The following ZNF423 variants were observed in gnomAD, a reference collection of about 807,000 sequenced individuals.
ZNF423 encodes the protein zinc finger protein 423.
In ZNF423, 12 loss-of-function variants were observed where a neutral mutation model predicts 95.8. The observed-to-expected ratio is 0.13, with a 90% CI of 0.08 to 0.20. The LOEUF (loss-of-function observed/expected upper bound fraction) is 0.20. Ranked by LOEUF, ZNF423 falls within the 10% of genes least tolerant of loss-of-function variation. The probability of loss-of-function intolerance (pLI) is 1.00; values close to 1 mark genes in which losing one functional copy is unlikely to be tolerated. For synonymous variants in ZNF423, 749 were observed against 711.9 expected (o/e 1.05, Z -0.83); for missense variants, 1,316 against 1,737.1 (o/e 0.76, Z 4.31).
intron 3 of ZNF423, among the ~76,000 whole-genome samples, chr16:49,719,678 C>T (rs186016188): frequency 1.4e-4 from 22 of 152,300 alleles, no homozygotes; most frequent in Admixed American, 1.3e-3. Flanking sequence ...TCTCCTGATT[C>T]ACCATGCTAT....
intron 3 of ZNF423, among the ~76,000 whole-genome samples, chr16:49,678,501 C>T (rs1024455406): frequency 1.3e-5 from 2 of 152,134 alleles, no homozygotes; most frequent in African/African-American, 2.4e-5. Flanking sequence ...CAACAATAAA[C>T]CAGTAAACAA....
intron 5 of ZNF423, among the ~76,000 whole-genome samples, chr16:49,598,415 T>C (rs1283050349): frequency 2.6e-5 from 4 of 152,268 alleles, no homozygotes; most frequent in East Asian, 1.9e-4. Context: ...ACCATCATTA[T>C]CATTTTTGTC....
intron 5 of ZNF423, among the ~76,000 whole-genome samples, chr16:49,533,006 G>GTCAC (rs1968913869): frequency 6.6e-6 from 1 of 152,102 alleles, no homozygotes; most frequent in South Asian, 2.1e-4. Context: ...GGTGGGAAGG[G>GTCAC]TCACCCCCCA....
chr16:49,695,623 C>T (rs577552769), intron 3 of ZNF423, among the ~76,000 whole-genome samples: 56 of 152,294 alleles, frequency 3.7e-4, no homozygotes, highest in African/African-American at 1.2e-3. Context: ...AGCGGAGTTT[C>T]GCCATGTTGG....
rs140473510 is a variant in ZNF423 at position 49,624,392 on chromosome 16, A to C, written c.3601+1778T>G. 4.4e-3 allele frequency among the ~76,000 whole-genome samples: 672 copies of C among 152,252 alleles called. 6 individuals carry two copies. The highest frequency in any genetic ancestry group is 0.015 in the African/African-American group (613 of 41,548). On this transcript the variant is annotated intron_variant, in intron 5 of 7. Coordinates refer to ENST00000563137, the MANE Select transcript of ZNF423 (RefSeq NM_001379286.1). ...ATAGTGAAACCCTGTCTCTACTAAA[A>C]GTACAAAAAAATTAGCCAGGGGAGA...
At chr16:49,829,004 G>C (rs1463595053) in intron 1 of ZNF423, among the ~76,000 whole-genome samples, 1 of 152,106 alleles carries the variant, frequency 6.6e-6, no homozygotes, top group African/African-American at 2.4e-5. Flanking sequence ...CTCCAATGTT[G>C]CCAACCCAGC....
At chr16:49,729,683 AT>A (rs1555478749) in intron 3 of ZNF423, among the ~76,000 whole-genome samples, 1 of 127,110 alleles carries the variant, frequency 7.9e-6, no homozygotes, top group Non-Finnish European at 1.7e-5. Context: ...TATTATTATT[AT>A]TTTAAAAATA....
intron 3 of ZNF423, among the ~76,000 whole-genome samples, chr16:49,670,403 C>A (rs897961424): frequency 6.6e-6 from 1 of 152,262 alleles, no homozygotes; most frequent in African/African-American, 2.4e-5. Flanking sequence ...GCTCAGCAGG[C>A]TGGTCCCAAG....
At chr16:49,729,251 T>C (rs918945832) in intron 3 of ZNF423, among the ~76,000 whole-genome samples, 2 of 152,242 alleles carry the variant, frequency 1.3e-5, no homozygotes, top group Admixed American at 6.5e-5. Flanking sequence ...TAGTTGATTA[T>C]AAAGTAAGTG....
At chr16:49,831,023 C>T (rs767136627) in intron 1 of ZNF423, among the ~76,000 whole-genome samples, 5 of 152,170 alleles carry the variant, frequency 3.3e-5, no homozygotes, top group East Asian at 3.9e-4. Flanking sequence ...TTCTCTGCAC[C>T]GCTCCCTGCC....
intron 1 of ZNF423, among the ~76,000 whole-genome samples, chr16:49,847,984 G>A (rs942437413): frequency 6.6e-6 from 1 of 152,066 alleles, no homozygotes; most frequent in Non-Finnish European, 1.5e-5. Context: ...TTAGCCTGTA[G>A]TTCTAGCTAC....
intron 3 of ZNF423, among the ~76,000 whole-genome samples, chr16:49,679,278 G>A (rs887030148): frequency 1.3e-5 from 2 of 152,348 alleles, no homozygotes; most frequent in South Asian, 4.1e-4. Context: ...GCCCTCCGTG[G>A]AGCTGGCGGG....
intron 1 of ZNF423, among the ~76,000 whole-genome samples, chr16:49,790,006 C>G (rs571829573): frequency 1.8e-4 from 28 of 152,270 alleles, no homozygotes; most frequent in African/African-American, 6.0e-4. Context: ...CAGCCTCCCC[C>G]CCATTCCACC....
At chr16:49,703,161 C>G (rs2032245872) in intron 3 of ZNF423, among the ~76,000 whole-genome samples, 2 of 152,200 alleles carry the variant, frequency 1.3e-5, no homozygotes, top group African/African-American at 4.8e-5. Context: ...TGCACCAGGA[C>G]CAGAGAGGCG....
At chr16:49,736,016 A>G (rs909013016) in intron 2 of ZNF423, among the ~76,000 whole-genome samples, 1 of 152,198 alleles carries the variant, frequency 6.6e-6, no homozygotes, top group Non-Finnish European at 1.5e-5. Context: ...TATAAGCTCC[A>G]TGAGGGCAGG....
chr16:49,712,357 A>G (rs78048528), intron 3 of ZNF423, among the ~76,000 whole-genome samples: 2 of 152,148 alleles, frequency 1.3e-5, no homozygotes. Flanking sequence ...TGAAGAGGAG[A>G]AAAAAAGCTC....
At chr16:49,743,595 A>ACAGGAATGAAGCCCGAAGCAGGCCC (rs577099222) in intron 2 of ZNF423, among the ~76,000 whole-genome samples, 179 of 152,222 alleles carry the variant, frequency 1.2e-3, no homozygotes, top group African/African-American at 3.7e-3. Flanking sequence ...GGATGGGACA[A>ACAGGAATGAAGCCCGAAGCAGGCCC]CAGGAATGAA....
At chr16:49,702,895 G>T (rs2032229882) in intron 3 of ZNF423, among the ~76,000 whole-genome samples, 1 of 143,794 alleles carries the variant, frequency 7.0e-6, no homozygotes. Context: ...AAGCCAACCT[G>T]CCTGTGTGCA....
intron 5 of ZNF423, among the ~76,000 whole-genome samples, chr16:49,608,133 C>T (rs970008321): frequency 1.1e-4 from 17 of 152,190 alleles, no homozygotes; most frequent in African/African-American, 4.1e-4. Flanking sequence ...CAGGTGGGAC[C>T]CCACCCCAGC....
Sources: allele counts gnomAD v4.1 joint callset (sites outside exome capture counted in the v4.1 genomes callset), GRCh38; gene constraint gnomAD v4.1.1; transcripts MANE v1.5; gene names NCBI Gene and HGNC (gene_info 2026-07-23, HGNC 2026-07-21).